Variants in CERS6 observed in about 807,000 individuals in gnomAD.
CERS6 encodes the protein LAG1 homolog, ceramide synthase 6.
In CERS6, 26 loss-of-function variants were observed where a neutral mutation model predicts 56.8. That is an observed-to-expected ratio of 0.46 (90% CI 0.34 to 0.63). The LOEUF (loss-of-function observed/expected upper bound fraction) is 0.63, where lower values mean the gene tolerates loss of function less well. Among genes scored for constraint, CERS6 ranks in the 30% least tolerant of loss-of-function variants. The pLI, the probability that CERS6 is intolerant of heterozygous loss-of-function variation, is 0.01. For synonymous variants in CERS6, 164 were observed against 173.3 expected, an observed-to-expected ratio of 0.95 and a Z score of 0.42; for missense variants, 415 against 467.5, an observed-to-expected ratio of 0.89 and a Z score of 1.04.
At chr2:168,649,394 A>G (rs1387369801) in intron 4 of CERS6, among the ~76,000 whole-genome samples, 3 of 152,106 alleles carry the variant, frequency 2.0e-5, no homozygotes, top group African/African-American at 7.2e-5. Flanking sequence ...CGTGAAGTCA[A>G]CCCCTAAAAA....
At chr2:168,471,562 T>C (rs1693979139) in intron 1 of CERS6, among the ~76,000 whole-genome samples, 2 of 152,230 alleles carry the variant, frequency 1.3e-5, no homozygotes, top group African/African-American at 4.8e-5. Flanking sequence ...AAAACAACTG[T>C]TTATTTTTTG....
intron 8 of CERS6, among the ~76,000 whole-genome samples, chr2:168,744,514 C>T (rs1426410287): frequency 6.6e-6 from 1 of 152,108 alleles, no homozygotes. Context: ...GGAGGATAAG[C>T]GTAAGCTTTG....
At chr2:168,658,935 A>C (rs920581449) in intron 4 of CERS6, among the ~76,000 whole-genome samples, 1 of 152,204 alleles carries the variant, frequency 6.6e-6, no homozygotes, top group Non-Finnish European at 1.5e-5. Context: ...ATCGGGAGCA[A>C]TTATGGGAAG....
chr2:168,638,759 TTGTGTTTAGGCTG>T (rs1394819647), intron 4 of CERS6, among the ~76,000 whole-genome samples: 4 of 152,160 alleles, frequency 2.6e-5, no homozygotes, highest in African/African-American at 9.7e-5. Flanking sequence ...TGTTGCTGCA[TTGTGTTTAGGCTG>T]TGTCTTGAGA....
intron 8 of CERS6, among the ~76,000 whole-genome samples, chr2:168,760,500 A>G (rs934193624): frequency 1.3e-5 from 2 of 152,132 alleles, no homozygotes; most frequent in African/African-American, 4.8e-5. Context: ...ACCCAGGATA[A>G]ATACTTTGCA....
At chr2:168,644,408 C>G in intron 4 of CERS6, 1 of 959,856 alleles carries the variant, frequency 1.0e-6, no homozygotes, top group Non-Finnish European at 1.2e-6. Context: ...GCAAGTGAGG[C>G]AGATGAACAA....
chr2:168,564,787 A>G (rs1265159446), intron 3 of CERS6, among the ~76,000 whole-genome samples: 1 of 152,186 alleles, frequency 6.6e-6, no homozygotes, highest in Non-Finnish European at 1.5e-5. Flanking sequence ...CTACCCCTGC[A>G]TCCTGAGAGT....
chr2:168,459,887 G>A (rs1693747880), intron 1 of CERS6, among the ~76,000 whole-genome samples: 1 of 152,128 alleles, frequency 6.6e-6, no homozygotes. Context: ...TGGAAATTGT[G>A]CTGAATCTCT....
At chr2:168,669,557 A>G (rs1033683884) in intron 4 of CERS6, among the ~76,000 whole-genome samples, 7 of 152,200 alleles carry the variant, frequency 4.6e-5, no homozygotes, top group South Asian at 2.1e-4. Flanking sequence ...CTCAAGATAG[A>G]TAAAGCCACC....
intron 4 of CERS6, among the ~76,000 whole-genome samples, chr2:168,674,713 C>G (rs890354229): frequency 6.6e-6 from 1 of 152,184 alleles, no homozygotes; most frequent in Non-Finnish European, 1.5e-5. Flanking sequence ...CACAGCCCCA[C>G]TCTGAATGGC....
chr2:168,608,510 T>C (rs1684108277), intron 3 of CERS6, among the ~76,000 whole-genome samples: 1 of 152,246 alleles, frequency 6.6e-6, no homozygotes, highest in Non-Finnish European at 1.5e-5. Context: ...CAGCAGTGTA[T>C]TGGGGTTCCA....
rs543680059 is a variant in CERS6, at chr2:168,623,167, C to T, written c.408-7818C>T. ...TTTACAGATGAAACCAATCAGTTAA[C>T]CAAGACTTCAAGCCCATTCCTCCCT... is the stretch of plus-strand genomic sequence containing the variant. On this transcript the variant is annotated intron_variant, in intron 3 of 9. Transcript: ENST00000305747. 1.3e-4 allele frequency among the ~76,000 whole-genome samples: 20 copies of T among 152,212 alleles called. No homozygotes were observed. In the South Asian group the frequency reaches 3.9e-3, roughly 30 times the overall value.
Position 168,456,288 on chromosome 2 carries a change from C to A in CERS6, c.-161C>A. On this transcript the variant is annotated 5_prime_UTR_variant, in exon 1 of 10. Transcript: ENST00000305747. This position sits in a 1 kb window ranked among gnomAD's most constrained non-coding sequence, Gnocchi z 4.1. Reference sequence around the variant, plus strand: ...GAGAGAACCGGGGCTCGCCGCGAGCCTTCGAGAGCAGCGGCCGCGGAGGAG... The same window carrying A: ...GAGAGAACCGGGGCTCGCCGCGAGCATTCGAGAGCAGCGGCCGCGGAGGAG... 1 of 252,478 alleles carries A rather than the reference C, an allele frequency of 4.0e-6. No homozygotes were observed. The highest frequency in any genetic ancestry group is 6.8e-6 in the Non-Finnish European group (1 of 147,384). 15.6% of individuals were successfully genotyped at this position (252,478 alleles called of 1,614,324 possible).
At chr2:168,555,764 GTA>G (rs1695667145) in intron 2 of CERS6, among the ~76,000 whole-genome samples, 1 of 136,860 alleles carries the variant, frequency 7.3e-6, no homozygotes, top group Admixed American at 7.6e-5. Flanking sequence ...GTGTGTGTGT[GTA>G]TGTAAAGATC....
At chr2:168,714,836 C>T (rs1449872271) in intron 6 of CERS6, among the ~76,000 whole-genome samples, 165 bp from the exon 7 acceptor site, 1 of 152,136 alleles carries the variant, frequency 6.6e-6, no homozygotes, top group Non-Finnish European at 1.5e-5. Context: ...TCTCCCAACA[C>T]GTGATGGACT....
intron 8 of CERS6, among the ~76,000 whole-genome samples, chr2:168,759,340 A>C (rs78995591): frequency 0.011 from 1,648 of 152,210 alleles, 32 homozygotes; most frequent in African/African-American, 0.036. Context: ...ACTGGGACTC[A>C]CCCTTGGCAA....
At chr2:168,691,146 A>G (rs1179967465) in intron 5 of CERS6, 62 bp downstream of exon 5, 5 of 1,511,488 alleles carry the variant, frequency 3.3e-6, no homozygotes, top group Non-Finnish European at 4.6e-6. Flanking sequence ...GGTCAATTTC[A>G]TGGTCTCAGG....
At chr2:168,612,381 A>G (rs566691792) in intron 3 of CERS6, among the ~76,000 whole-genome samples, 9 of 152,238 alleles carry the variant, frequency 5.9e-5, no homozygotes, top group Non-Finnish European at 7.3e-5. Flanking sequence ...TGTTAGAACA[A>G]TATCTTATGG....
At chr2:168,605,481 T>C (rs1008092109) in intron 3 of CERS6, among the ~76,000 whole-genome samples, 1 of 152,168 alleles carries the variant, frequency 6.6e-6, no homozygotes, top group African/African-American at 2.4e-5. Flanking sequence ...AAGCCCATAT[T>C]CAGGGGAGGG....
Sources: allele counts gnomAD v4.1 joint callset (sites outside exome capture counted in the v4.1 genomes callset), GRCh38; gene constraint gnomAD v4.1.1; non-coding constraint Gnocchi (gnomAD v3.1); transcripts MANE v1.5; gene names NCBI Gene and HGNC (gene_info 2026-07-23, HGNC 2026-07-21).